ITGA2: variants seen among roughly 807,000 people sequenced by gnomAD.
ITGA2 encodes the protein integrin alpha-2.
A neutral mutation model predicts 146.3 loss-of-function variants in ITGA2; 101 were observed. The observed-to-expected ratio is 0.69, with a 90% confidence interval of 0.59 to 0.81. The LOEUF is 0.81. Among genes scored for constraint, ITGA2 ranks in the 40% least tolerant of loss-of-function variants. The probability of loss-of-function intolerance (pLI) is 0.00; values close to 1 mark genes in which losing one functional copy is unlikely to be tolerated. For synonymous variants in ITGA2, 477 were observed against 487.1 expected (o/e 0.98, Z 0.27); for missense variants, 1,281 against 1,402.7 (o/e 0.91, Z 1.39).
At chr5:53,059,702 G>A (rs933295040) in intron 10 of ITGA2, among the ~76,000 whole-genome samples, 172 bp from the exon 11 acceptor site, 1 of 151,872 alleles carries the variant, frequency 6.6e-6, no homozygotes, top group Non-Finnish European at 1.5e-5. Context: ...GGGAAGGCTT[G>A]TTCTCTAGCA....
intron 2 of ITGA2, among the ~76,000 whole-genome samples, chr5:53,030,300 C>G (rs1743164391): frequency 6.6e-6 from 1 of 152,210 alleles, no homozygotes; most frequent in African/African-American, 2.4e-5. Flanking sequence ...TTTCTAAATC[C>G]TGCCTGGACC....
rs747741362 is a variant in ITGA2, at chr5:53,081,713, G to A, written c.3144+17G>A. 3.1e-5 allele frequency: 47 copies of A among 1,508,898 alleles called. No homozygotes were observed. The highest frequency in any genetic ancestry group is 3.9e-5 in the Non-Finnish European group (42 of 1,086,992). The allele number at this position is 1,508,898 out of a possible 1,614,324, so 93.5% of individuals were successfully genotyped here. A position where few individuals can be genotyped will look rare whatever the true frequency, so the allele number is the denominator to read the frequency against. ...AAAGAATTGGTGAGGACAAGTTAAC[G>A]TGTGAAAGCTCCCCTCATTCATTTA... On this transcript the variant is annotated intron_variant, in intron 26 of 29. Coordinates refer to ENST00000296585, the MANE Select transcript of ITGA2 (RefSeq NM_002203.4).
At chr5:52,995,000 G>A (rs898592849) in intron 1 of ITGA2, among the ~76,000 whole-genome samples, 1 of 152,156 alleles carries the variant, frequency 6.6e-6, no homozygotes, top group Non-Finnish European at 1.5e-5. Flanking sequence ...CTTTTAAAAT[G>A]GATGTAAGTG....
At chr5:53,004,416 T>C (rs153144) in intron 1 of ITGA2, among the ~76,000 whole-genome samples, 151,966 of 152,294 alleles carry the variant, frequency 1, 75,823 homozygotes, top group Middle Eastern at 1. Context: ...GCATATGGAA[T>C]ATTATTTAAA....
chr5:53,044,029 CT>C (rs1354079572), intron 3 of ITGA2, among the ~76,000 whole-genome samples: 1 of 151,818 alleles, frequency 6.6e-6, no homozygotes, highest in Non-Finnish European at 1.5e-5. Context: ...AATCCTAGCA[CT>C]TTGGGAGGCC....
chr5:53,075,006 G>A (rs1003686885), intron 21 of ITGA2, 55 bp from the exon 22 acceptor site: 19 of 1,131,878 alleles, frequency 1.7e-5, no homozygotes, highest in South Asian at 1.3e-4. Flanking sequence ...TTTTTTTCAC[G>A]TTGGCCTCTG....
intron 28 of ITGA2, among the ~76,000 whole-genome samples, chr5:53,087,624 TAA>T (rs772266428): frequency 2.1e-4 from 25 of 118,078 alleles, no homozygotes; most frequent in South Asian, 2.7e-4. Flanking sequence ...GTCCCCTTGA[TAA>T]AAAAAAAAAA....
Position 53,048,428 on chromosome 5 carries a change from C to A in ITGA2, c.453C>A (p.Asp151Glu). 6.2e-7 allele frequency: 1 copy of A among 1,614,118 alleles called. No individual in the cohort carries two copies. ...ATTACACAACGGGTGTGTGTTCTGA[C>A]ATCAGTCCTGATTTTCAGCTCTCAG... ...NQYYTTGVCS[D>E]ISPDFQLSAS... The change falls in exon 5 of 30, where the codon GAC becomes GAA. Residue 151 changes from aspartate to glutamate, a missense_variant. Transcript: ENST00000296585.
chr5:53,004,894 GTTTTTTTTTTTTTTTTTTTTTT>G (rs548541753), intron 1 of ITGA2, among the ~76,000 whole-genome samples: 49 of 55,948 alleles, frequency 8.8e-4, no homozygotes, highest in African/African-American at 4.3e-3. Flanking sequence ...TAGTTGCTTT[GTTTTTTTTTTTTTTTTTTTTTT>G]TTTTTTTTTT....
intron 17 of ITGA2, among the ~76,000 whole-genome samples, chr5:53,071,709 C>T (rs138243085): frequency 2.9e-4 from 44 of 152,052 alleles, no homozygotes; most frequent in African/African-American, 1.0e-3. Flanking sequence ...TCTTACTAGA[C>T]CCAAGTCTCT....
chr5:53,061,640 T>G (rs1178096028), intron 12 of ITGA2, among the ~76,000 whole-genome samples: 1 of 151,936 alleles, frequency 6.6e-6, no homozygotes, highest in Admixed American at 6.6e-5. Flanking sequence ...ATCCCAGATA[T>G]GGCCCACTAC....
chr5:53,079,869 C>T (rs1745833419), intron 24 of ITGA2, among the ~76,000 whole-genome samples: 1 of 151,970 alleles, frequency 6.6e-6, no homozygotes, highest in Non-Finnish European at 1.5e-5. Flanking sequence ...TATTATTATT[C>T]CCAGGGATGT....
At chr5:53,014,318 G>A (rs1270160105) in intron 1 of ITGA2, among the ~76,000 whole-genome samples, 1 of 152,054 alleles carries the variant, frequency 6.6e-6, no homozygotes, top group Non-Finnish European at 1.5e-5. Flanking sequence ...AAAGGATGTT[G>A]AATTTTATCG....
chr5:53,001,873 T>G, intron 1 of ITGA2, among the ~76,000 whole-genome samples: 1 of 151,626 alleles, frequency 6.6e-6, no homozygotes, highest in African/African-American at 2.4e-5. Flanking sequence ...TTCTCTGAAC[T>G]TCTTTCTTCA....
intron 24 of ITGA2, 38 bp from the exon 25 acceptor site, chr5:53,080,473 T>A: frequency 6.7e-7 from 1 of 1,485,938 alleles, no homozygotes; most frequent in Non-Finnish European, 9.4e-7. Context: ...ATCATGTACA[T>A]CCTGTTGCAG....
At chr5:53,078,690 A>G in intron 23 of ITGA2, 82 bp from the exon 24 acceptor site, 5 of 805,758 alleles carry the variant, frequency 6.2e-6, no homozygotes, top group Admixed American at 3.9e-5. Flanking sequence ...CCTAAGCTAT[A>G]AGATACTTAA....
chr5:53,011,232 G>T (rs930531593), intron 1 of ITGA2, among the ~76,000 whole-genome samples: 2 of 152,108 alleles, frequency 1.3e-5, no homozygotes, highest in Non-Finnish European at 2.9e-5. Context: ...ACCCATAGAG[G>T]ACTGTCTTTC....
chr5:53,060,835 A>G lies in ITGA2; in HGVS notation c.1313-66A>G, dbSNP rs1744870614. On this transcript the variant is annotated intron_variant, in intron 11 of 29. Coordinates refer to ENST00000296585, the MANE Select transcript of ITGA2 (RefSeq NM_002203.4). ...AAAGGATCTCTGGTCACCTTTACTC[A>G]CTTCTTTTAACTTTATTTTGCTCAG... The G allele has an allele frequency of 1.0e-5, 15 of 1,482,528 alleles. No homozygotes were observed. In the East Asian group the frequency reaches 3.4e-4, roughly 34 times the overall value. 91.8% of individuals were successfully genotyped at this position (1,482,528 alleles called of 1,614,324 possible). A position where few individuals can be genotyped will look rare whatever the true frequency, so the allele number is the denominator to read the frequency against.
At chr5:53,010,107 A>G (rs1192520744) in intron 1 of ITGA2, among the ~76,000 whole-genome samples, 2 of 152,214 alleles carry the variant, frequency 1.3e-5, no homozygotes, top group African/African-American at 2.4e-5. Context: ...CATCTCAGCA[A>G]CAATCAAAAT....
Sources: allele counts gnomAD v4.1 joint callset (sites outside exome capture counted in the v4.1 genomes callset), GRCh38; gene constraint gnomAD v4.1.1; transcripts MANE v1.5; gene names NCBI Gene and HGNC (gene_info 2026-07-23, HGNC 2026-07-21).